The following ARL15 variants were observed in gnomAD, a reference collection of about 807,000 sequenced individuals.
ARL15 encodes the protein ADP-ribosylation factor-like protein 15.
Under a neutral mutation model 25.2 loss-of-function variants are expected in ARL15, and 19 were observed. That is an observed-to-expected ratio of 0.75 (90% CI 0.53 to 1.10). The LOEUF (loss-of-function observed/expected upper bound fraction) is 1.10. Among genes scored for constraint, ARL15 ranks in the 50% least tolerant of loss-of-function variants. The pLI, the probability that ARL15 is intolerant of heterozygous loss-of-function variation, is 0.00. For missense variants in ARL15, 220 were observed against 246.0 expected (o/e 0.89, Z 0.71); for synonymous variants, 94 against 86.8 (o/e 1.08, Z -0.46).
intron 4 of ARL15, among the ~76,000 whole-genome samples, chr5:53,943,790 A>C (rs375134473): frequency 3.3e-4 from 50 of 152,184 alleles, no homozygotes; most frequent in African/African-American, 1.2e-3. Flanking sequence ...AGTTTCCAAG[A>C]ATGACAGACA....
At chr5:54,022,048 C>A (rs1291286507) in intron 4 of ARL15, among the ~76,000 whole-genome samples, 1 of 152,020 alleles carries the variant, frequency 6.6e-6, no homozygotes, top group Non-Finnish European at 1.5e-5. Context: ...GTGAAAATAT[C>A]CTTCAGAAAT....
chr5:54,085,015 C>T (rs1751921186), intron 4 of ARL15, among the ~76,000 whole-genome samples: 1 of 152,162 alleles, frequency 6.6e-6, no homozygotes, highest in South Asian at 2.1e-4. Flanking sequence ...TTAATAAAAA[C>T]AACCGTGAAA....
At chr5:53,997,067 C>T (rs1411265341) in intron 4 of ARL15, among the ~76,000 whole-genome samples, 2 of 152,202 alleles carry the variant, frequency 1.3e-5, no homozygotes, top group Non-Finnish European at 2.9e-5. Context: ...GTGAAGAATA[C>T]ATTTCTCATC....
chr5:53,962,038 A>G (rs1747388702), intron 4 of ARL15, among the ~76,000 whole-genome samples: 1 of 152,302 alleles, frequency 6.6e-6, no homozygotes, highest in East Asian at 1.9e-4. Flanking sequence ...CACTTTAATG[A>G]ACATCTTTGT....
At position 54,121,872 on chromosome 5, in the gene ARL15, T is replaced by C. The variant is rs1409925437; in HGVS notation, c.254-8462A>G. Reference sequence around the variant, plus strand: ...GGATTGTGAGGATTAAATAACTTTTTTCACACAGTACGTAGAATATGCTAA... The same window carrying C: ...GGATTGTGAGGATTAAATAACTTTTCTCACACAGTACGTAGAATATGCTAA... On this transcript the variant is annotated intron_variant, in intron 3 of 4. Transcript: ENST00000504924. 2.0e-5 allele frequency among the ~76,000 whole-genome samples: 3 copies of C among 152,314 alleles called. No individual in the cohort carries two copies. The East Asian group carries it at 5.8e-4, about 29-fold the overall frequency.
chr5:54,291,594 T>C (rs781051607), intron 1 of ARL15, among the ~76,000 whole-genome samples: 1 of 152,178 alleles, frequency 6.6e-6, no homozygotes, highest in Non-Finnish European at 1.5e-5. Context: ...CTGAATTAAA[T>C]AAGCAAGCAT....
chr5:54,073,033 AC>A (rs1751476231), intron 4 of ARL15, among the ~76,000 whole-genome samples: 1 of 152,214 alleles, frequency 6.6e-6, no homozygotes, highest in Admixed American at 6.5e-5. Flanking sequence ...GTTATGCATT[AC>A]TTTTTGAGAA....
chr5:54,089,171 A>C (rs1752060989), intron 4 of ARL15, among the ~76,000 whole-genome samples: 1 of 152,322 alleles, frequency 6.6e-6, no homozygotes, highest in Non-Finnish European at 1.5e-5. Context: ...ACTGCAGTCC[A>C]TAACGGTTTT....
intron 4 of ARL15, among the ~76,000 whole-genome samples, chr5:54,105,587 T>A (rs1481946784): frequency 6.6e-6 from 1 of 152,142 alleles, no homozygotes; most frequent in Non-Finnish European, 1.5e-5. Context: ...CATTTTTTTA[T>A]TTGTTTGTTT....
chr5:54,061,935 G>T (rs1212200144), intron 4 of ARL15, among the ~76,000 whole-genome samples: 1 of 152,160 alleles, frequency 6.6e-6, no homozygotes, highest in African/African-American at 2.4e-5. Flanking sequence ...CAGGAGGGAG[G>T]CTGTACCCTG....
chr5:54,193,881 C>A (rs746833103), intron 1 of ARL15, among the ~76,000 whole-genome samples: 1 of 151,876 alleles, frequency 6.6e-6, no homozygotes, highest in Non-Finnish European at 1.5e-5. Context: ...TAATGCTTTC[C>A]CTTAAAAAGC....
At chr5:54,268,457 T>G (rs1229887945) in intron 1 of ARL15, among the ~76,000 whole-genome samples, 1 of 152,252 alleles carries the variant, frequency 6.6e-6, no homozygotes, top group Non-Finnish European at 1.5e-5. Flanking sequence ...GAAGCCTTCT[T>G]CTCTCAACTT....
chr5:54,262,816 C>A (rs34883270), intron 1 of ARL15, among the ~76,000 whole-genome samples: 12,076 of 152,080 alleles, frequency 0.079, 696 homozygotes, highest in African/African-American at 0.15. Context: ...GTCTTTCTTT[C>A]GTATTAAAGG....
At chr5:54,092,072 A>ACACACACACACACACACACACC (rs1161083652) in intron 4 of ARL15, among the ~76,000 whole-genome samples, 42 of 149,624 alleles carry the variant, frequency 2.8e-4, no homozygotes, top group Non-Finnish European at 2.7e-4. Flanking sequence ...ACACACACAC[A>ACACACACACACACACACACACC]CCACCACCAC....
At chr5:54,019,897 A>C (rs1263384185) in intron 4 of ARL15, among the ~76,000 whole-genome samples, 1 of 152,134 alleles carries the variant, frequency 6.6e-6, no homozygotes, top group Admixed American at 6.6e-5. Context: ...AAAGCATTAA[A>C]CTCTTTCATC....
chr5:54,247,844 C>G (rs1757131675), intron 1 of ARL15, among the ~76,000 whole-genome samples: 1 of 151,666 alleles, frequency 6.6e-6, no homozygotes, highest in Non-Finnish European at 1.5e-5. Context: ...CCTCAAATCA[C>G]AGAAAAAAAT....
rs141380328 is a variant in ARL15, at chr5:54,001,644, G to A, written c.462+111558C>T. ...CTTTTTGTTAAATCTGAGCATCAAA[G>A]CATTTTTTGAAAGTTTACTGTTCCA... On this transcript the variant is annotated intron_variant, in intron 4 of 4. Coordinates refer to ENST00000504924, the MANE Select transcript of ARL15 (RefSeq NM_019087.3). Among the ~76,000 whole-genome samples the A allele has an allele frequency of 3.3e-3, 499 of 152,228 alleles. 3 individuals carry two copies. The highest frequency in any genetic ancestry group is 0.013 in the South Asian group (62 of 4,818).
chr5:53,968,893 C>G (rs764960044), intron 4 of ARL15, among the ~76,000 whole-genome samples: 52 of 151,846 alleles, frequency 3.4e-4, no homozygotes, highest in Non-Finnish European at 6.5e-4. Context: ...CGGTGACTCA[C>G]GCCTGTAATC....
chr5:53,979,216 T>G (rs1048859514), intron 4 of ARL15, among the ~76,000 whole-genome samples: 18 of 152,242 alleles, frequency 1.2e-4, no homozygotes, highest in Middle Eastern at 6.8e-3. Flanking sequence ...CTTAGGTACC[T>G]GGTCTTTATA....
Sources: allele counts gnomAD v4.1 joint callset (sites outside exome capture counted in the v4.1 genomes callset), GRCh38; gene constraint gnomAD v4.1.1; transcripts MANE v1.5; gene names NCBI Gene and HGNC (gene_info 2026-07-23, HGNC 2026-07-21).